The following EXT1 variants were observed in gnomAD, a reference collection of about 807,000 sequenced individuals.
The protein encoded by EXT1 is exostosin glycosyltransferase 1.
A neutral mutation model predicts 82.5 loss-of-function variants in EXT1; 20 were observed. The observed-to-expected ratio is 0.24, with a 90% CI of 0.17 to 0.35. The LOEUF (loss-of-function observed/expected upper bound fraction) is 0.35, where lower values mean the gene tolerates loss of function less well. Among genes scored for constraint, EXT1 ranks in the 10% least tolerant of loss-of-function variants. The pLI, the probability that EXT1 is intolerant of heterozygous loss-of-function variation, is 1.00. For synonymous variants in EXT1, 348 were observed against 350.8 expected (o/e 0.99, Z 0.09); for missense variants, 757 against 936.5 (o/e 0.81, Z 2.50).
intron 1 of EXT1, among the ~76,000 whole-genome samples, chr8:118,096,385 C>T (rs557857958): frequency 5.9e-5 from 9 of 152,002 alleles, no homozygotes; most frequent in South Asian, 2.1e-4. Context: ...CACTTTGGGA[C>T]GCTGAGGCAG....
chr8:117,874,103 C>G (rs747808840), intron 1 of EXT1, among the ~76,000 whole-genome samples: 12 of 152,104 alleles, frequency 7.9e-5, no homozygotes. Flanking sequence ...ATGAGCCAGT[C>G]TAGTTCATTC....
chr8:117,806,111 T>C (rs1163403125), intron 9 of EXT1, among the ~76,000 whole-genome samples: 3 of 152,198 alleles, frequency 2.0e-5, no homozygotes, highest in Non-Finnish European at 4.4e-5. Flanking sequence ...ATCTGATCAC[T>C]ACTTACCATG....
At chr8:117,883,230 T>G (rs1034747456) in intron 1 of EXT1, among the ~76,000 whole-genome samples, 10 of 152,208 alleles carry the variant, frequency 6.6e-5, no homozygotes, top group South Asian at 2.1e-4. Context: ...CTTATGTGAT[T>G]TGAATTTTTC....
intron 1 of EXT1, among the ~76,000 whole-genome samples, chr8:118,055,529 G>A (rs956607013): frequency 5.9e-5 from 9 of 152,112 alleles, no homozygotes; most frequent in Non-Finnish European, 1.2e-4. Context: ...ATTAAATTTT[G>A]AACGGTTTTT....
chr8:118,013,234 G>C (rs1815938014), intron 1 of EXT1, among the ~76,000 whole-genome samples: 1 of 151,980 alleles, frequency 6.6e-6, no homozygotes, highest in Admixed American at 6.6e-5. Flanking sequence ...TGTTGAGACA[G>C]AGTCTCACTC....
intron 1 of EXT1, among the ~76,000 whole-genome samples, chr8:118,016,442 T>A (rs1450632649): frequency 6.6e-6 from 1 of 152,180 alleles, no homozygotes; most frequent in African/African-American, 2.4e-5. Context: ...GGTACTTTGT[T>A]ACAGCAGCCT....
intron 4 of EXT1, among the ~76,000 whole-genome samples, chr8:117,825,855 T>A (rs1165467441): frequency 6.6e-6 from 1 of 152,220 alleles, no homozygotes; most frequent in Admixed American, 6.5e-5. Flanking sequence ...TGAAGCATAC[T>A]TCATTAAAAC....
In EXT1 at chr8:118,010,229, G is replaced by A. The variant is rs574734386; in HGVS notation, c.962+99856C>T. Among the ~76,000 whole-genome samples the A allele has an allele frequency of 3.6e-3, 549 of 151,872 alleles. 4 individuals carry two copies. The highest frequency in any genetic ancestry group is 0.012 in the African/African-American group (483 of 41,404). On this transcript the variant is annotated intron_variant, in intron 1 of 10. Transcript: ENST00000378204. ...CTACTAAAAATACAAAAAATTAGCC[G>A]GGCGTGGTGGCGGGCACCTGTAGTC...
At chr8:118,101,081 G>A (rs1358258902) in intron 1 of EXT1, among the ~76,000 whole-genome samples, 1 of 152,202 alleles carries the variant, frequency 6.6e-6, no homozygotes, top group East Asian at 1.9e-4. Context: ...ATAGCAGGAA[G>A]ATGAGTTTAA....
At chr8:117,932,336 A>G (rs1814075270) in intron 1 of EXT1, among the ~76,000 whole-genome samples, 2 of 152,206 alleles carry the variant, frequency 1.3e-5, no homozygotes, top group African/African-American at 4.8e-5. Context: ...CTGATTTTAC[A>G]GATTTACCTG....
chr8:117,829,066 T>C (rs1274253159), intron 4 of EXT1, among the ~76,000 whole-genome samples: 1 of 152,096 alleles, frequency 6.6e-6, no homozygotes, highest in East Asian at 1.9e-4. Flanking sequence ...TCTTCCAGAG[T>C]GAATTCTCCA....
intron 1 of EXT1, among the ~76,000 whole-genome samples, chr8:118,103,893 G>A (rs1817766264): frequency 6.6e-6 from 1 of 152,168 alleles, no homozygotes; most frequent in Admixed American, 6.6e-5. Flanking sequence ...TTTTTCCTCG[G>A]GAAACATGTT....
chr8:117,889,264 C>T (rs553417185), intron 1 of EXT1, among the ~76,000 whole-genome samples: 1 of 152,260 alleles, frequency 6.6e-6, no homozygotes, highest in Admixed American at 6.5e-5. Flanking sequence ...AAATACACTT[C>T]TATTTTGTTT....
intron 9 of EXT1, 63 bp from the exon 10 acceptor site, chr8:117,804,956 G>A: frequency 6.5e-7 from 1 of 1,534,750 alleles, no homozygotes; most frequent in Non-Finnish European, 9.0e-7. Flanking sequence ...GTGGACTTCT[G>A]AGACAGAAAA....
intron 1 of EXT1, among the ~76,000 whole-genome samples, chr8:117,893,553 T>C (rs533797251): frequency 7.2e-5 from 11 of 152,166 alleles, no homozygotes; most frequent in South Asian, 2.1e-4. Context: ...CTGACCTCCA[T>C]AGGGCACAGT....
chr8:117,804,632 G>A, intron 10 of EXT1, 90 bp downstream of exon 10: 1 of 1,415,450 alleles, frequency 7.1e-7, no homozygotes, highest in Non-Finnish European at 1.0e-6. Context: ...TATGCTCCTG[G>A]GTGGAACAGC....
chr8:117,921,097 C>A (rs1351120544), intron 1 of EXT1, among the ~76,000 whole-genome samples: 1 of 152,160 alleles, frequency 6.6e-6, no homozygotes, highest in African/African-American at 2.4e-5. Flanking sequence ...AAATGCATTA[C>A]AGCTTACAAA....
intron 1 of EXT1, among the ~76,000 whole-genome samples, chr8:118,014,327 C>T (rs992376366): frequency 6.6e-6 from 1 of 152,166 alleles, no homozygotes; most frequent in Non-Finnish European, 1.5e-5. Context: ...AAAATATCCC[C>T]TTTATCCCAC....
intron 1 of EXT1, among the ~76,000 whole-genome samples, chr8:118,047,433 T>C (rs1816640062): frequency 6.6e-6 from 1 of 152,176 alleles, no homozygotes; most frequent in East Asian, 1.9e-4. Context: ...TCAAAGTTCT[T>C]AGAACAGGGC....
Sources: gnomAD v4.1 joint callset for allele counts (sites outside exome capture counted in the v4.1 genomes callset) on GRCh38, gnomAD v4.1.1 for gene constraint, MANE v1.5 for transcripts, NCBI Gene and HGNC (gene_info 2026-07-23, HGNC 2026-07-21) for gene names.